The following YWHAZ variants were observed in gnomAD, a reference collection of about 807,000 sequenced individuals.
YWHAZ encodes tyrosine 3-monooxygenase/tryptophan 5-monooxygenase activation protein zeta.
For missense variants in YWHAZ, 79 were observed against 284.8 expected, an observed-to-expected ratio of 0.28 and a Z score of 5.20; for synonymous variants, 87 against 103.6, an observed-to-expected ratio of 0.84 and a Z score of 0.97.
chr8:100,927,366 A>T (rs1282081735), intron 2 of YWHAZ, among the ~76,000 whole-genome samples: 2 of 152,194 alleles, frequency 1.3e-5, no homozygotes, highest in Non-Finnish European at 2.9e-5. Flanking sequence ...CTACAAAAAA[A>T]TTTAAAAGTT....
chr8:100,924,822 G>GTA lies in YWHAZ; in HGVS notation c.418+93_418+94insTA. ...TGCTACTCCTTATTCGGCACTCTAA[G>GTA]CAATTCAAAACAAGACATTATGTAC... On this transcript the variant is annotated intron_variant, in intron 3 of 5. Transcript: ENST00000395958. This position sits in a 1 kb window ranked among gnomAD's most constrained non-coding sequence, Gnocchi z 5.7. The GTA allele has an allele frequency of 6.6e-7, 1 of 1,520,994 alleles. No homozygotes were observed. Among genetic ancestry groups the GTA allele is most frequent in the Non-Finnish European group, 8.9e-7 (1 of 1,118,580 alleles). 94.2% of individuals were successfully genotyped at this position (1,520,994 alleles called of 1,614,324 possible). A position where few individuals can be genotyped will look rare whatever the true frequency, so the allele number is the denominator to read the frequency against.
intron 2 of YWHAZ, among the ~76,000 whole-genome samples, chr8:100,925,799 T>C (rs2130130551): frequency 6.6e-6 from 1 of 152,184 alleles, no homozygotes; most frequent in Middle Eastern, 3.4e-3. Flanking sequence ...TTACACTCTT[T>C]AACTGATTTT....
rs376209416 is a variant in YWHAZ, at chr8:100,920,496, A to G, written c.*197T>C. Reference sequence around the variant, plus strand: ...ATTGGCCACCTCAAGATGAAAACAGATAACTCCCTAAATGTTAACTGGCTC... The same window carrying G: ...ATTGGCCACCTCAAGATGAAAACAGGTAACTCCCTAAATGTTAACTGGCTC... On this transcript the variant is annotated 3_prime_UTR_variant, in exon 6 of 6. Coordinates refer to ENST00000395958, the MANE Select transcript of YWHAZ (RefSeq NM_145690.3). The G allele has an allele frequency of 8.6e-5, 51 of 591,620 alleles. No homozygotes were observed. The highest frequency in any genetic ancestry group is 3.2e-4 in the East Asian group (11 of 34,114). The allele number at this position is 591,620 out of a possible 1,614,324, so 36.6% of individuals were successfully genotyped here.
At chr8:100,930,309 G>A (rs966908616) in intron 2 of YWHAZ, among the ~76,000 whole-genome samples, 2 of 152,176 alleles carry the variant, frequency 1.3e-5, no homozygotes, top group African/African-American at 4.8e-5. Context: ...GCATTGGCCA[G>A]GCTAGTCTTG....
chr8:100,929,342 G>A (rs1028466339), intron 2 of YWHAZ, among the ~76,000 whole-genome samples: 3 of 152,060 alleles, frequency 2.0e-5, no homozygotes, highest in Admixed American at 2.0e-4. Context: ...TGGGATTACA[G>A]GCATGTGCCA....
At position 100,917,167 on chromosome 8, in the gene YWHAZ, T is replaced by C. The variant is rs1812740830; in HGVS notation, c.*3526A>G. 1 of 152,208 alleles carries C rather than the reference T, an allele frequency of 6.6e-6. No homozygotes were observed. Among genetic ancestry groups the C allele is most frequent in the Admixed American group, 6.5e-5 (1 of 15,280 alleles). The allele number at this position is 152,208 out of a possible 1,614,324, so 9.4% of individuals were successfully genotyped here. A position where few individuals can be genotyped will look rare whatever the true frequency, so the allele number is the denominator to read the frequency against. ...CAGCTTCCAAATTGGCTTTGACTCA[T>C]TTTAAAATATGCATTGAGCCATGAC... On this transcript the variant is annotated 3_prime_UTR_variant, in exon 6 of 6. Coordinates refer to ENST00000395958, the MANE Select transcript of YWHAZ (RefSeq NM_145690.3).
At position 100,948,517 on chromosome 8, in the gene YWHAZ, A is replaced by T; in HGVS notation, c.294+79T>A. ...ATGTTTAGAAGGAAAAGAAAAACCA[A>T]ACAAAAAGTTAAGAGTAATGTAACT... On this transcript the variant is annotated intron_variant, in intron 2 of 5. Coordinates refer to ENST00000395958, the MANE Select transcript of YWHAZ (RefSeq NM_145690.3). This position sits in a 1 kb window ranked among gnomAD's most constrained non-coding sequence, Gnocchi z 4.2. 1 of 1,468,666 alleles carries T rather than the reference A, an allele frequency of 6.8e-7. No individual in the cohort carries two copies. The highest frequency in any genetic ancestry group is 9.1e-7 in the Non-Finnish European group (1 of 1,094,834). 91.0% of individuals were successfully genotyped at this position (1,468,666 alleles called of 1,614,324 possible). A position where few individuals can be genotyped will look rare whatever the true frequency, so the allele number is the denominator to read the frequency against.
At position 100,919,481 on chromosome 8, in the gene YWHAZ, C is replaced by G. The variant is rs1781068007; in HGVS notation, c.*1212G>C. On this transcript the variant is annotated 3_prime_UTR_variant, in exon 6 of 6. Transcript: ENST00000395958. The stretch of plus-strand genomic sequence containing the variant: ...AGAAAAAATAGGAACTCATTTTTTT[C>G]AGGGTGGGGAGGAAGAGAGGGGATC... 6.6e-6 allele frequency: 1 copy of G among 152,096 alleles called. No individual in the cohort carries two copies. The allele number at this position is 152,096 out of a possible 1,614,324, so 9.4% of individuals were successfully genotyped here. A position where few individuals can be genotyped will look rare whatever the true frequency, so the allele number is the denominator to read the frequency against.
At chr8:100,942,512 C>T (rs1256357479) in intron 2 of YWHAZ, among the ~76,000 whole-genome samples, 1 of 152,160 alleles carries the variant, frequency 6.6e-6, no homozygotes, top group Admixed American at 6.6e-5. Context: ...ACATTTGTGC[C>T]ATCTAAATAT....
At chr8:100,928,717 G>T (rs890582063) in intron 2 of YWHAZ, among the ~76,000 whole-genome samples, 1 of 150,332 alleles carries the variant, frequency 6.7e-6, no homozygotes, top group African/African-American at 2.5e-5. Flanking sequence ...TGGGCAACAA[G>T]AGTGAAACTC....
Position 100,947,980 on chromosome 8 carries a change from G to A in YWHAZ, c.294+616C>T. 6 of 829,930 alleles carry A rather than the reference G, an allele frequency of 7.2e-6. No individual in the cohort carries two copies. The South Asian group carries it at 1.1e-4, about 16-fold the overall frequency. 51.4% of individuals were successfully genotyped at this position (829,930 alleles called of 1,614,324 possible). ...CTTTTAAGCGCAGTGCTTCAACACA[G>A]TAAGTACTGAATACTTAAAATACTC... On this transcript the variant is annotated intron_variant, in intron 2 of 5. Coordinates refer to ENST00000395958, the MANE Select transcript of YWHAZ (RefSeq NM_145690.3).
upstream of YWHAZ, chr8:100,952,140 GTTGA>G: frequency 3.0e-6 from 3 of 985,666 alleles, no homozygotes; most frequent in Non-Finnish European, 3.6e-6. Flanking sequence ...TATGGCAACC[GTTGA>G]TTGGTGCCCA....
chr8:100,925,297 G>T (rs1170197317), intron 2 of YWHAZ, among the ~76,000 whole-genome samples: 1 of 152,158 alleles, frequency 6.6e-6, no homozygotes, highest in African/African-American at 2.4e-5. Flanking sequence ...CCCTGACAAT[G>T]TTATCTATTT....
At chr8:100,923,132 T>C (rs1813144779) in intron 5 of YWHAZ, 1 of 152,172 alleles carries the variant, frequency 6.6e-6, no homozygotes, top group South Asian at 2.1e-4. Context: ...AAAATGAGAT[T>C]ACATAGTCCC....
At chr8:100,945,153 G>C (rs1008579021) in intron 2 of YWHAZ, among the ~76,000 whole-genome samples, 2 of 152,172 alleles carry the variant, frequency 1.3e-5, no homozygotes, top group African/African-American at 2.4e-5. Flanking sequence ...ATTAACACGT[G>C]GAAGAGAAGA....
chr8:100,927,857 G>C (rs1813471201), intron 2 of YWHAZ, among the ~76,000 whole-genome samples: 1 of 152,168 alleles, frequency 6.6e-6, no homozygotes, highest in Non-Finnish European at 1.5e-5. Context: ...CAACTTTAAA[G>C]CTATTTGTTA....
chr8:100,938,633 T>C (rs1035553395), intron 2 of YWHAZ, among the ~76,000 whole-genome samples: 21 of 152,232 alleles, frequency 1.4e-4, no homozygotes, highest in African/African-American at 5.1e-4. Context: ...ATAATTTTTA[T>C]TCTGTAGAGA....
At chr8:100,952,472 C>T (rs1005431718), upstream of YWHAZ, 5 of 154,222 alleles carry the variant, frequency 3.2e-5, no homozygotes, top group African/African-American at 7.2e-5. Context: ...CCTACCCCCA[C>T]CTTAGCTTTC....
intron 2 of YWHAZ, among the ~76,000 whole-genome samples, chr8:100,935,808 G>A (rs1457586255): frequency 6.6e-6 from 1 of 152,136 alleles, no homozygotes; most frequent in Non-Finnish European, 1.5e-5. Context: ...ACTATGACCA[G>A]CCTCCTCCTC....
Sources: allele counts gnomAD v4.1 joint callset (sites outside exome capture counted in the v4.1 genomes callset), GRCh38; gene constraint gnomAD v4.1.1; non-coding constraint Gnocchi (gnomAD v3.1); transcripts MANE v1.5; gene names NCBI Gene and HGNC (gene_info 2026-07-23, HGNC 2026-07-21).